The following PIAS2 variants were observed in gnomAD, a reference collection of about 807,000 sequenced individuals.
PIAS2 encodes E3 SUMO-protein ligase PIAS2.
A neutral mutation model predicts 69.7 loss-of-function variants in PIAS2; 19 were observed. That is an observed-to-expected ratio of 0.27 (90% CI 0.19 to 0.40). The LOEUF (loss-of-function observed/expected upper bound fraction) is 0.40, where lower values mean the gene tolerates loss of function less well. Among genes scored for constraint, PIAS2 ranks in the 10% least tolerant of loss-of-function variants. The probability of loss-of-function intolerance (pLI) is 1.00; values close to 1 mark genes in which losing one functional copy is unlikely to be tolerated. For missense variants in PIAS2, 624 were observed against 757.0 expected, an observed-to-expected ratio of 0.82 and a Z score of 2.06; for synonymous variants, 261 against 263.2, an observed-to-expected ratio of 0.99 and a Z score of 0.08.
intron 12 of PIAS2, among the ~76,000 whole-genome samples, chr18:46,819,342 A>G (rs1387832103): frequency 6.6e-6 from 1 of 152,172 alleles, no homozygotes; most frequent in Non-Finnish European, 1.5e-5. Context: ...GACTTTGTAT[A>G]TACTTTACAA....
intron 2 of PIAS2, among the ~76,000 whole-genome samples, chr18:46,873,553 T>A (rs915298196): frequency 4.6e-5 from 7 of 152,172 alleles, no homozygotes; most frequent in African/African-American, 1.7e-4. Flanking sequence ...ATGTTTAACA[T>A]GCATTAAATC....
chr18:46,848,457 C>G (rs915482344), intron 5 of PIAS2, among the ~76,000 whole-genome samples: 19 of 152,260 alleles, frequency 1.2e-4, no homozygotes, highest in African/African-American at 3.4e-4. Flanking sequence ...CACCTGGTCA[C>G]CAGCAATTTT....
chr18:46,804,324 A>C lies in PIAS2; in HGVS notation c.*8109T>G, dbSNP rs1439436880. 6.6e-6 allele frequency: 1 copy of C among 152,232 alleles called. No individual in the cohort carries two copies. Among genetic ancestry groups the C allele is most frequent in the Non-Finnish European group, 1.5e-5 (1 of 68,038 alleles). The allele number at this position is 152,232 out of a possible 1,614,324, so 9.4% of individuals were successfully genotyped here. A position where few individuals can be genotyped will look rare whatever the true frequency, so the allele number is the denominator to read the frequency against. On this transcript the variant is annotated 3_prime_UTR_variant, in exon 14 of 14. Coordinates refer to ENST00000585916, the MANE Select transcript of PIAS2 (RefSeq NM_004671.5). ...GTTAGGGAACACTTGCTTTTTAGAT[A>C]GAATGATCAAGAAAGGCCTCTGAGA...
chr18:46,890,697 G>A lies in PIAS2; in HGVS notation c.382C>T (p.Pro128Ser). The A allele has an allele frequency of 2.5e-6, 4 of 1,614,068 alleles. No homozygotes were observed. Among genetic ancestry groups the A allele is most frequent in the Non-Finnish European group, 3.4e-6 (4 of 1,179,964 alleles). The change falls in exon 2 of 14, where the codon CCC becomes TCC. Residue 128 changes from proline to serine, a missense_variant. Physicochemically the swap from Pro to Ser is moderately conservative, Grantham distance 74. Transcript: ENST00000585916. Reference sequence around the variant, plus strand: ...GATGGCTGCTGCATCTCAAATGTGGGCTTAGTATCTTGAAGCAGCACAGAA... The same window carrying A: ...GATGGCTGCTGCATCTCAAATGTGGACTTAGTATCTTGAAGCAGCACAGAA... ...VGSVLLQDTK[P>S]TFEMQQPSPP...
chr18:46,812,681 T>G, intron 13 of PIAS2, 69 bp from the exon 14 acceptor site: 1 of 903,738 alleles, frequency 1.1e-6, no homozygotes, highest in East Asian at 2.5e-5. Context: ...GACTAGAAAT[T>G]ATTAGATATG....
Position 46,807,754 on chromosome 18 carries a change from A to G in PIAS2, c.*4679T>C, listed in dbSNP as rs757122833. 2 of 152,222 alleles carry G rather than the reference A, an allele frequency of 1.3e-5. No homozygotes were observed. Among genetic ancestry groups the G allele is most frequent in the African/African-American group, 4.8e-5 (2 of 41,450 alleles). 9.4% of individuals were successfully genotyped at this position (152,222 alleles called of 1,614,324 possible). A position where few individuals can be genotyped will look rare whatever the true frequency, so the allele number is the denominator to read the frequency against. On this transcript the variant is annotated 3_prime_UTR_variant, in exon 14 of 14. Transcript: ENST00000585916. ...GGGAAAATCTCTGCCAATGATCTCC[A>G]TATCAGTTAACCCCGTTCCATAGAG...
intron 1 of PIAS2, chr18:46,907,645 G>A (rs1206100180): frequency 6.6e-6 from 1 of 152,170 alleles, no homozygotes; most frequent in African/African-American, 2.4e-5. Flanking sequence ...AAGGTCAACT[G>A]TATCTTGTCA....
At chr18:46,891,373 C>G (rs940702345) in intron 1 of PIAS2, 1 of 339,888 alleles carries the variant, frequency 2.9e-6, no homozygotes, top group Non-Finnish European at 5.5e-6. Flanking sequence ...ACTATAAAAT[C>G]TATCACCAAT....
At chr18:46,847,045 GA>G (rs1237979126) in intron 5 of PIAS2, among the ~76,000 whole-genome samples, 1 of 152,036 alleles carries the variant, frequency 6.6e-6, no homozygotes, top group Non-Finnish European at 1.5e-5. Flanking sequence ...CACAAGTCCA[GA>G]AAGGTAGGAA....
chr18:46,834,814 GCT>G (rs1269897980), intron 9 of PIAS2, among the ~76,000 whole-genome samples: 7 of 152,176 alleles, frequency 4.6e-5, no homozygotes, highest in African/African-American at 1.7e-4. Context: ...AATACGTAAG[GCT>G]GCTAAGAGGG....
chr18:46,862,556 T>C (rs1049165353), intron 3 of PIAS2, among the ~76,000 whole-genome samples: 3 of 152,154 alleles, frequency 2.0e-5, no homozygotes, highest in Non-Finnish European at 4.4e-5. Flanking sequence ...TCATGCTGAA[T>C]CTTTTAAGAA....
At chr18:46,834,840 G>T (rs538667135) in intron 9 of PIAS2, among the ~76,000 whole-genome samples, 1 of 152,190 alleles carries the variant, frequency 6.6e-6, no homozygotes, top group East Asian at 1.9e-4. Flanking sequence ...AGAAGTGGAC[G>T]ATGTTATGCC....
chr18:46,851,749 A>G (rs2047002817), intron 5 of PIAS2, among the ~76,000 whole-genome samples: 1 of 152,192 alleles, frequency 6.6e-6, no homozygotes, highest in African/African-American at 2.4e-5. Flanking sequence ...ACACGTTGCC[A>G]TTTTCAAAGT....
At chr18:46,871,354 G>C (rs972124782) in intron 2 of PIAS2, among the ~76,000 whole-genome samples, 25 of 152,170 alleles carry the variant, frequency 1.6e-4, no homozygotes, top group African/African-American at 5.8e-4. Flanking sequence ...AAGGGCTACA[G>C]GGGGCCAAAG....
intron 1 of PIAS2, among the ~76,000 whole-genome samples, chr18:46,899,495 A>T (rs1297670295): frequency 6.6e-6 from 1 of 152,206 alleles, no homozygotes; most frequent in Non-Finnish European, 1.5e-5. Flanking sequence ...TATTTGAGAC[A>T]GGGTCTTGGC....
intron 8 of PIAS2, among the ~76,000 whole-genome samples, chr18:46,837,237 C>G (rs1229132609): frequency 6.6e-6 from 1 of 151,810 alleles, no homozygotes; most frequent in Non-Finnish European, 1.5e-5. Context: ...TGTGTATTAA[C>G]ATGCTTTGTT....
chr18:46,811,010 G>C lies in PIAS2; in HGVS notation c.*1423C>G, dbSNP rs916062303. 2 of 152,064 alleles carry C rather than the reference G, an allele frequency of 1.3e-5. No individual in the cohort carries two copies. The allele number at this position is 152,064 out of a possible 1,614,324, so 9.4% of individuals were successfully genotyped here. Reference sequence around the variant, plus strand: ...TCAAATGAAGCAAACTAAAAAACTGGATGAAAATGTTTCTCTAAGAGTAAA... The same window carrying C: ...TCAAATGAAGCAAACTAAAAAACTGCATGAAAATGTTTCTCTAAGAGTAAA... On this transcript the variant is annotated 3_prime_UTR_variant, in exon 14 of 14. Transcript: ENST00000585916.
chr18:46,825,745 A>C (rs1445914210), intron 11 of PIAS2, among the ~76,000 whole-genome samples: 1 of 152,232 alleles, frequency 6.6e-6, no homozygotes, highest in East Asian at 1.9e-4. Flanking sequence ...TGAACTCTTC[A>C]AACCATTAAC....
intron 1 of PIAS2, among the ~76,000 whole-genome samples, chr18:46,891,437 T>C (rs755080817): frequency 6.6e-6 from 1 of 152,218 alleles, no homozygotes; most frequent in Non-Finnish European, 1.5e-5. Context: ...TAATGTTTGT[T>C]ACAGAATTAT....
Sources: allele counts gnomAD v4.1 joint callset (sites outside exome capture counted in the v4.1 genomes callset), GRCh38; gene constraint gnomAD v4.1.1; transcripts MANE v1.5; gene names NCBI Gene and HGNC (gene_info 2026-07-23, HGNC 2026-07-21).